The following UBAP2L variants were observed in gnomAD, a reference collection of about 807,000 sequenced individuals.
UBAP2L encodes ubiquitin associated protein 2 like.
A neutral mutation model predicts 130.6 loss-of-function variants in UBAP2L; 12 were observed. The ratio of observed to expected loss-of-function variants is 0.09; its 90% CI spans 0.06 to 0.15. The LOEUF (loss-of-function observed/expected upper bound fraction) is 0.15. Ranked by LOEUF, UBAP2L falls within the 10% of genes least tolerant of loss-of-function variation. The pLI, the probability that UBAP2L is intolerant of heterozygous loss-of-function variation, is 1.00. For synonymous variants in UBAP2L, 503 were observed against 524.7 expected (o/e 0.96, Z 0.57); for missense variants, 965 against 1,332.5 (o/e 0.72, Z 4.29).
Position 154,260,945 on chromosome 1 carries a change from A to G in UBAP2L, c.2632A>G (p.Thr878Ala). The G allele has an allele frequency of 1.2e-6, 2 of 1,614,166 alleles. No individual in the cohort carries two copies. The highest frequency in any genetic ancestry group is 1.7e-6 in the Non-Finnish European group (2 of 1,180,016). The change falls in exon 23 of 27, where the codon ACC becomes GCC. Residue 878 changes from threonine (T) to alanine (A), a missense_variant. By Grantham distance (58) the Thr-to-Ala change is moderately conservative. Transcript: ENST00000428931. ...TGCCTCCTCCCCAGCCCCGGCCACA[A>G]CCTTGGCCCAACCCCAACAGAACCA... Reference protein sequence around the residue: ...GDASSPAPATTLAQPQQNQTQ... With the variant: ...GDASSPAPATALAQPQQNQTQ...
At position 154,261,772 on chromosome 1, in the gene UBAP2L, T is replaced by G. The variant is rs148501457; in HGVS notation, c.2902+75T>G. 3.2e-4 allele frequency: 466 copies of G among 1,478,904 alleles called. 1 individual carries two copies. The highest frequency in any genetic ancestry group is 1.8e-3 in the Admixed American group (104 of 58,176). 91.6% of individuals were successfully genotyped at this position (1,478,904 alleles called of 1,614,324 possible). Reference sequence around the variant, plus strand: ...ATAAATTTCAGGGAGGAAGACTTGGTGCTTGAGAAAATGGGATTGGTGAGG... The same window carrying G: ...ATAAATTTCAGGGAGGAAGACTTGGGGCTTGAGAAAATGGGATTGGTGAGG... On this transcript the variant is annotated intron_variant, in intron 24 of 26. Transcript: ENST00000428931.
intron 26 of UBAP2L, chr1:154,269,226 A>G: frequency 1.1e-6 from 1 of 943,964 alleles, no homozygotes; most frequent in Non-Finnish European, 1.6e-6. Context: ...TCATCCCATC[A>G]GACCTGGGTC....
intron 10 of UBAP2L, among the ~76,000 whole-genome samples, chr1:154,245,776 C>T (rs955896429): frequency 3.3e-5 from 5 of 151,936 alleles, no homozygotes; most frequent in African/African-American, 7.3e-5. Flanking sequence ...AAAAATTAGC[C>T]GGGCGTGGTG....
chr1:154,224,960 A>G (rs891568843), intron 1 of UBAP2L, 124 bp from the exon 2 acceptor site: 1 of 611,002 alleles, frequency 1.6e-6, no homozygotes, highest in East Asian at 2.9e-5. Flanking sequence ...TTGTAAGAAT[A>G]AATGAATCTT....
rs1171828537 is a variant in UBAP2L at position 154,225,135 on chromosome 1, G to A, written c.12G>A (p.Ser4=). 8.7e-6 allele frequency: 14 copies of A among 1,613,626 alleles called. No individual in the cohort carries two copies. Among genetic ancestry groups the A allele is most frequent in the South Asian group, 2.2e-5 (2 of 91,062 alleles). MMT[S]VGTNRARGNW... is the part of the protein sequence containing the mutation. ...TGTATATACTGTAAATGATGACATC[G>A]GTGGGCACTAACCGAGCCCGGGGAA... The change falls in exon 2 of 27, where the codon TCG becomes TCA. Residue 4 remains serine (S), a synonymous_variant. Transcript: ENST00000428931.
intron 4 of UBAP2L, among the ~76,000 whole-genome samples, chr1:154,229,412 C>T (rs1268153368): frequency 6.6e-6 from 1 of 152,030 alleles, no homozygotes; most frequent in African/African-American, 2.4e-5. Context: ...CCTTATTGAT[C>T]TTCAGAATGT....
intron 4 of UBAP2L, among the ~76,000 whole-genome samples, chr1:154,231,498 G>A (rs1443388453): frequency 1.3e-5 from 2 of 151,878 alleles, no homozygotes; most frequent in Non-Finnish European, 2.9e-5. Context: ...ACAGGGTTTT[G>A]CCATGTTGCC....
At position 154,249,409 on chromosome 1, in the gene UBAP2L, G is replaced by A. The variant is rs150606604; in HGVS notation, c.1185G>A (p.Thr395=). Residue 395 remains threonine (T), a synonymous_variant, in exon 12 of 27, where the codon ACG becomes ACA. Coordinates refer to ENST00000428931, the MANE Select transcript of UBAP2L (RefSeq NM_014847.4). ...CCTCCTCTTGGGACATGGGCTCGAC[G>A]ACACAATCCCCATCACTGGTGCAGT... The part of the protein sequence containing the change: ...TTTSSWDMGS[T]TQSPSLVQYD... The A allele has an allele frequency of 1.7e-5, 27 of 1,614,140 alleles. No individual in the cohort carries two copies. The highest frequency in any genetic ancestry group is 2.3e-5 in the Non-Finnish European group (27 of 1,180,010).
rs1419104478 is a variant in UBAP2L at position 154,236,600 on chromosome 1, T to C, written c.579T>C (p.Ala193=). Residue 193 remains alanine (A), a synonymous_variant, in exon 7 of 27, where the codon GCT becomes GCC. Transcript: ENST00000428931. ...GSGRRGGRFS[A]QGMGTFNPAD... ...GTAGGCGAGGAGGAAGGTTTTCTGC[T>C]CAAGGAATGGGGTAAGTTTCATTGA... 3 of 1,614,028 alleles carry C rather than the reference T, an allele frequency of 1.9e-6. No homozygotes were observed. The highest frequency in any genetic ancestry group is 2.5e-6 in the Non-Finnish European group (3 of 1,180,026).
chr1:154,259,885 A>G, intron 21 of UBAP2L, 63 bp from the exon 22 acceptor site: 1 of 1,513,176 alleles, frequency 6.6e-7, no homozygotes, highest in African/African-American at 1.4e-5. Context: ...CTCCGTGGAA[A>G]TAGTACTCAT....
intron 6 of UBAP2L, among the ~76,000 whole-genome samples, chr1:154,235,835 A>G (rs748775247): frequency 6.6e-6 from 1 of 152,098 alleles, no homozygotes; most frequent in Non-Finnish European, 1.5e-5. Flanking sequence ...TCCTGGCTTC[A>G]AGAGATCTTC....
At chr1:154,236,723 C>T (rs993802217) in intron 7 of UBAP2L, 112 bp downstream of exon 7, 37 of 1,127,638 alleles carry the variant, frequency 3.3e-5, no homozygotes, top group Non-Finnish European at 4.7e-5. Context: ...GATATGGGGA[C>T]TTAGGGCTCA....
chr1:154,251,191 C>T lies in UBAP2L; in HGVS notation c.1364C>T (p.Pro455Leu). Residue 455 changes from proline to leucine, a missense_variant, in exon 13 of 27, where the codon CCT becomes CTT. Around this residue, in one of 9 missense-constraint regions of UBAP2L, gnomAD observed 74 missense variants for 97.1 expected, o/e 0.76. Coordinates refer to ENST00000428931, the MANE Select transcript of UBAP2L (RefSeq NM_014847.4). ...GCTGCACCTCCACCTCCGTCTTCTC[C>T]TCTGCCAAGCAAATCCACATCGGCT... ...STAAPPPPSS[P>L]LPSKSTSAPQ... 1 of 1,614,154 alleles carries T rather than the reference C, an allele frequency of 6.2e-7. No individual in the cohort carries two copies. Among genetic ancestry groups the T allele is most frequent in the Non-Finnish European group, 8.5e-7 (1 of 1,180,042 alleles).
At chr1:154,222,419 A>G (rs1241232297) in intron 1 of UBAP2L, among the ~76,000 whole-genome samples, 1 of 152,242 alleles carries the variant, frequency 6.6e-6, no homozygotes, top group Non-Finnish European at 1.5e-5. Context: ...ATCTGACACC[A>G]TTGTCCTTAA....
downstream of UBAP2L, chr1:154,271,065 C>T (rs1684654018): frequency 2.2e-6 from 2 of 929,826 alleles, no homozygotes; most frequent in East Asian, 2.7e-5. Context: ...ACCCCTAAGA[C>T]TTTCACAACC....
chr1:154,233,814 T>G (rs1026714188), intron 4 of UBAP2L, among the ~76,000 whole-genome samples: 2 of 151,330 alleles, frequency 1.3e-5, no homozygotes, highest in Non-Finnish European at 2.9e-5. Context: ...TTTGCTTTAT[T>G]TGGTATGAAT....
chr1:154,226,891 C>T (rs1668119838), intron 2 of UBAP2L, among the ~76,000 whole-genome samples: 1 of 152,038 alleles, frequency 6.6e-6, no homozygotes, highest in African/African-American at 2.4e-5. Flanking sequence ...GCCACTATCT[C>T]AGTTCACTGC....
In UBAP2L at chr1:154,266,662, T is replaced by C. The variant is rs1448517958; in HGVS notation, c.2970+94T>C. ...AAATAACAGTGGACAAGAAGAACCC[T>C]AGGAGAGGTGGCAGGAAACCCATCC... On this transcript the variant is annotated intron_variant, in intron 25 of 26. Transcript: ENST00000428931. The C allele has an allele frequency of 3.8e-6, 5 of 1,326,088 alleles. No homozygotes were observed. In the East Asian group the frequency reaches 9.3e-5, roughly 25 times the overall value. 82.1% of individuals were successfully genotyped at this position (1,326,088 alleles called of 1,614,324 possible).
At chr1:154,255,637 G>GT in intron 17 of UBAP2L, 46 bp from the exon 18 acceptor site, 2 of 1,596,436 alleles carry the variant, frequency 1.3e-6, no homozygotes, top group Non-Finnish European at 1.7e-6. Flanking sequence ...TCCAGGTCAC[G>GT]TAACTATAGC....
Sources: allele counts gnomAD v4.1 joint callset (sites outside exome capture counted in the v4.1 genomes callset), GRCh38; gene constraint gnomAD v4.1.1; regional missense constraint gnomAD v4.1.1; transcripts MANE v1.5; gene names NCBI Gene and HGNC (gene_info 2026-07-23, HGNC 2026-07-21).